The following TRIM44 variants were observed in gnomAD, a reference collection of about 807,000 sequenced individuals.
TRIM44 encodes tripartite motif containing 44.
A neutral mutation model predicts 37.4 loss-of-function variants in TRIM44; 13 were observed. The ratio of observed to expected loss-of-function variants is 0.35; its 90% CI spans 0.23 to 0.55. The LOEUF (loss-of-function observed/expected upper bound fraction) is 0.55, where lower values mean the gene tolerates loss of function less well. TRIM44 is among the 20% of genes least tolerant of loss of function. TRIM44 has a pLI of 0.89. For synonymous variants in TRIM44, 175 were observed against 157.2 expected (o/e 1.11, Z -0.85); for missense variants, 426 against 437.2 (o/e 0.97, Z 0.23).
At chr11:35,724,954 AAG>A (rs1338543304) in intron 2 of TRIM44, among the ~76,000 whole-genome samples, 1 of 152,160 alleles carries the variant, frequency 6.6e-6, no homozygotes, top group Non-Finnish European at 1.5e-5. Context: ...TGCGTATATT[AAG>A]AGATATAGCC....
At chr11:35,704,541 C>T (rs909997843) in intron 2 of TRIM44, among the ~76,000 whole-genome samples, 1 of 152,170 alleles carries the variant, frequency 6.6e-6, no homozygotes, top group Non-Finnish European at 1.5e-5. Context: ...AAGGGAAGCC[C>T]ATCAGACTAA....
intron 2 of TRIM44, among the ~76,000 whole-genome samples, chr11:35,716,149 G>A (rs1182034870): frequency 1.3e-5 from 2 of 152,206 alleles, no homozygotes; most frequent in African/African-American, 2.4e-5. Flanking sequence ...CAGAGGGAGT[G>A]AAGAGCACAT....
chr11:35,693,374 A>G (rs1397851493), intron 2 of TRIM44, among the ~76,000 whole-genome samples: 1 of 152,100 alleles, frequency 6.6e-6, no homozygotes, highest in Admixed American at 6.6e-5. Context: ...ACCATCATAA[A>G]TGTACTTCAT....
intron 4 of TRIM44, among the ~76,000 whole-genome samples, chr11:35,773,040 GCTATTCTCATGGTCGTGA>G (rs1477568751): frequency 6.6e-6 from 1 of 152,154 alleles, no homozygotes; most frequent in Non-Finnish European, 1.5e-5. Flanking sequence ...TTTCCCCCAT[GCTATTCTCATGGTCGTGA>G]ATAAGGCTCA....
chr11:35,781,149 G>A (rs1477511356), intron 4 of TRIM44, among the ~76,000 whole-genome samples: 2 of 152,094 alleles, frequency 1.3e-5, no homozygotes, highest in Admixed American at 6.5e-5. Flanking sequence ...AAACCTGACA[G>A]AACAAAGGAG....
rs1269624673 is a variant in TRIM44, at chr11:35,742,526, A to G, written c.1007+7081A>G. ...TATTAAATATAATTATATTAATTGT[A>G]TTATATATAATTATATTAATTATAT... On this transcript the variant is annotated intron_variant, in intron 4 of 4. Transcript: ENST00000299413. Among the ~76,000 whole-genome samples the G allele has an allele frequency of 1.3e-3, 165 of 131,922 alleles. 1 individual carries two copies. Among genetic ancestry groups the G allele is most frequent in the African/African-American group, 4.7e-3 (158 of 33,800 alleles). 86.5% of individuals were successfully genotyped at this position (131,922 alleles called of 152,430 possible).
intron 4 of TRIM44, among the ~76,000 whole-genome samples, chr11:35,763,354 AGAAGAGAACAGGT>A: frequency 6.6e-6 from 1 of 152,188 alleles, no homozygotes; most frequent in South Asian, 2.1e-4. Flanking sequence ...AGCAAAGGAG[AGAAGAGAACAGGT>A]GGAGGGAACA....
At chr11:35,664,310 A>G (rs1401555968) in intron 1 of TRIM44, among the ~76,000 whole-genome samples, 1 of 152,186 alleles carries the variant, frequency 6.6e-6, no homozygotes, top group African/African-American at 2.4e-5. Context: ...GTAGAAAAGG[A>G]GGGTAAGAAG....
At position 35,761,317 on chromosome 11, in the gene TRIM44, C is replaced by T. The variant is rs532456740; in HGVS notation, c.1007+25872C>T. Among the ~76,000 whole-genome samples, 200 of 152,180 alleles carry T rather than the reference C, an allele frequency of 1.3e-3. No homozygotes were observed. The Middle Eastern group carries it at 0.017, about 13-fold the overall frequency. ...ATTATACCAACAGCCTTCAAGCTCC[C>T]GAATGGCAGAGTCTGTACCCAAGTT... is the stretch of plus-strand genomic sequence containing the variant. On this transcript the variant is annotated intron_variant, in intron 4 of 4. Transcript: ENST00000299413.
intron 4 of TRIM44, among the ~76,000 whole-genome samples, chr11:35,762,725 G>T (rs1255802886): frequency 6.6e-6 from 1 of 152,156 alleles, no homozygotes; most frequent in Non-Finnish European, 1.5e-5. Flanking sequence ...AATGGTTAAA[G>T]AATTTTGGCT....
Position 35,809,762 on chromosome 11 carries a change from C to T in TRIM44, c.*3377C>T, listed in dbSNP as rs979540427. On this transcript the variant is annotated 3_prime_UTR_variant, in exon 5 of 5. Coordinates refer to ENST00000299413, the MANE Select transcript of TRIM44 (RefSeq NM_017583.6). ...CTGTGAGGATGTGGCAATTCAAAGT[C>T]CAGTGAATCTGGACTCTCTTACTGA... 1 of 152,070 alleles carries T rather than the reference C, an allele frequency of 6.6e-6. No individual in the cohort carries two copies. The highest frequency in any genetic ancestry group is 1.5e-5 in the Non-Finnish European group (1 of 68,018). The allele number at this position is 152,070 out of a possible 1,614,324, so 9.4% of individuals were successfully genotyped here.
intron 1 of TRIM44, among the ~76,000 whole-genome samples, chr11:35,684,806 A>G (rs746445281): frequency 6.6e-6 from 1 of 152,242 alleles, no homozygotes; most frequent in Non-Finnish European, 1.5e-5. Flanking sequence ...TAATCAGCAC[A>G]CTACAGTTCC....
chr11:35,668,148 C>T (rs1446024627), intron 1 of TRIM44, among the ~76,000 whole-genome samples: 2 of 152,074 alleles, frequency 1.3e-5, no homozygotes, highest in Non-Finnish European at 2.9e-5. Flanking sequence ...TTGGTGCTTT[C>T]TTTTGTTTTG....
intron 2 of TRIM44, among the ~76,000 whole-genome samples, chr11:35,707,211 G>A (rs1356398839): frequency 2.0e-5 from 3 of 152,138 alleles, no homozygotes; most frequent in East Asian, 3.9e-4. Context: ...TACAAGGGAC[G>A]TGAAGGACCT....
At chr11:35,776,943 T>G (rs12802121) in intron 4 of TRIM44, among the ~76,000 whole-genome samples, 88,024 of 151,990 alleles carry the variant, frequency 0.58, 26,771 homozygotes, top group South Asian at 0.74. Context: ...TGATTTGGGG[T>G]GGAGAGTTCT....
chr11:35,784,864 G>C (rs1555624), intron 4 of TRIM44, among the ~76,000 whole-genome samples: 1 of 152,082 alleles, frequency 6.6e-6, no homozygotes, highest in Non-Finnish European at 1.5e-5. Flanking sequence ...TTCATAATGA[G>C]TACTTTTCCC....
rs1590481466 is a variant in TRIM44, at chr11:35,663,026, C to G, written c.-86C>G. On this transcript the variant is annotated 5_prime_UTR_variant, in exon 1 of 5. Transcript: ENST00000299413. Reference sequence around the variant, plus strand: ...GGAGGCGACTCCCTAGGAAGGGACCCGGGGCGGGAGGAGGAAGTGAGGCCG... The same window carrying G: ...GGAGGCGACTCCCTAGGAAGGGACCGGGGGCGGGAGGAGGAAGTGAGGCCG... The G allele has an allele frequency of 1.4e-6, 2 of 1,436,104 alleles. No homozygotes were observed. Among genetic ancestry groups the G allele is most frequent in the South Asian group, 1.5e-5 (1 of 66,452 alleles). 89.0% of individuals were successfully genotyped at this position (1,436,104 alleles called of 1,614,324 possible).
chr11:35,771,443 T>G (rs1330472145), intron 4 of TRIM44, among the ~76,000 whole-genome samples: 3 of 152,166 alleles, frequency 2.0e-5, no homozygotes, highest in Admixed American at 2.0e-4. Context: ...CATTTAGTTT[T>G]GGATGCGCAC....
intron 2 of TRIM44, 115 bp from the exon 3 acceptor site, chr11:35,725,809 T>G (rs934581572): frequency 1.1e-4 from 119 of 1,126,498 alleles, no homozygotes; most frequent in Non-Finnish European, 1.4e-4. Flanking sequence ...CCCAAAACTT[T>G]AGGATTGGAT....
Sources: gnomAD v4.1 joint callset for allele counts (sites outside exome capture counted in the v4.1 genomes callset) on GRCh38, gnomAD v4.1.1 for gene constraint, MANE v1.5 for transcripts, NCBI Gene and HGNC (gene_info 2026-07-23, HGNC 2026-07-21) for gene names.